Variants in PELI2 observed in about 807,000 individuals in gnomAD.
The protein encoded by PELI2 is E3 ubiquitin-protein ligase pellino homolog 2.
A neutral mutation model predicts 42.3 loss-of-function variants in PELI2; 23 were observed. The observed-to-expected ratio is 0.54, with a 90% CI of 0.39 to 0.77. The LOEUF (loss-of-function observed/expected upper bound fraction) is 0.77, where lower values mean the gene tolerates loss of function less well. PELI2 is among the 30% of genes least tolerant of loss of function. The pLI is 0.00. For missense variants in PELI2, 463 were observed against 553.2 expected, an observed-to-expected ratio of 0.84 and a Z score of 1.64; for synonymous variants, 245 against 212.2, an observed-to-expected ratio of 1.15 and a Z score of -1.34.
chr14:56,137,596 C>A (rs985838725), intron 1 of PELI2, among the ~76,000 whole-genome samples: 2 of 152,148 alleles, frequency 1.3e-5, no homozygotes, highest in Non-Finnish European at 2.9e-5. Context: ...CGTCGTTTCC[C>A]CTTCTAGGGG....
At chr14:56,182,941 G>A (rs1885638435) in intron 2 of PELI2, among the ~76,000 whole-genome samples, 1 of 152,078 alleles carries the variant, frequency 6.6e-6, no homozygotes, top group Admixed American at 6.5e-5. Context: ...TCTCCTGCAC[G>A]TTCATGATGG....
rs200418198 is a variant in PELI2 at position 56,288,391 on chromosome 14, C to T, written c.310-46C>T. On this transcript the variant is annotated intron_variant, in intron 3 of 5. Transcript: ENST00000267460. This position sits in a 1 kb window ranked among gnomAD's most constrained non-coding sequence, Gnocchi z 4.6. Reference sequence around the variant, plus strand: ...TTTTCCTTGTGAATAAAATACGGCACCCTGCTATTTTCCAAGTGAATCACG... The same window carrying T: ...TTTTCCTTGTGAATAAAATACGGCATCCTGCTATTTTCCAAGTGAATCACG... 2.8e-6 allele frequency: 4 copies of T among 1,433,818 alleles called. No homozygotes were observed. Among genetic ancestry groups the T allele is most frequent in the African/African-American group, 2.8e-5 (2 of 71,554 alleles). 88.8% of individuals were successfully genotyped at this position (1,433,818 alleles called of 1,614,324 possible). A position where few individuals can be genotyped will look rare whatever the true frequency, so the allele number is the denominator to read the frequency against.
intron 1 of PELI2, among the ~76,000 whole-genome samples, chr14:56,142,535 C>G (rs1883951182): frequency 6.6e-6 from 1 of 152,204 alleles, no homozygotes. Flanking sequence ...ATGAATGAAT[C>G]AGTCTTCCAC....
intron 1 of PELI2, among the ~76,000 whole-genome samples, chr14:56,154,691 T>G (rs1188700005): frequency 6.6e-6 from 1 of 152,244 alleles, no homozygotes; most frequent in African/African-American, 2.4e-5. Context: ...TTTTTTCCCC[T>G]TATAAACAGT....
At chr14:56,194,852 A>G (rs756858704) in intron 2 of PELI2, among the ~76,000 whole-genome samples, 21 of 152,196 alleles carry the variant, frequency 1.4e-4, no homozygotes, top group Non-Finnish European at 2.9e-4. Context: ...TCAATGGAGA[A>G]TTGTAAAAGA....
chr14:56,132,366 A>G (rs867098749), intron 1 of PELI2, among the ~76,000 whole-genome samples: 1 of 152,222 alleles, frequency 6.6e-6, no homozygotes, highest in African/African-American at 2.4e-5. Flanking sequence ...ATCATCGTCC[A>G]TAATAACTTT....
At chr14:56,193,568 C>A (rs576295808) in intron 2 of PELI2, among the ~76,000 whole-genome samples, 1 of 152,020 alleles carries the variant, frequency 6.6e-6, no homozygotes, top group African/African-American at 2.4e-5. Flanking sequence ...TCATACATAC[C>A]AAAATAGACT....
At chr14:56,130,920 C>G (rs1264947957) in intron 1 of PELI2, among the ~76,000 whole-genome samples, 1 of 152,142 alleles carries the variant, frequency 6.6e-6, no homozygotes, top group Non-Finnish European at 1.5e-5. Context: ...GCTTTTGTTG[C>G]TGTCGTTGGT....
chr14:56,184,104 G>C (rs1304897222), intron 2 of PELI2, among the ~76,000 whole-genome samples: 1 of 152,044 alleles, frequency 6.6e-6, no homozygotes, highest in Non-Finnish European at 1.5e-5. Flanking sequence ...TGAGATGACT[G>C]TTTGGACCTT....
chr14:56,274,753 A>G (rs1042746947), intron 2 of PELI2, among the ~76,000 whole-genome samples: 1 of 152,218 alleles, frequency 6.6e-6, no homozygotes, highest in Non-Finnish European at 1.5e-5. Flanking sequence ...GCATAGCTGT[A>G]AGAAAATACA....
At position 56,299,268 on chromosome 14, in the gene PELI2, T is replaced by C. The variant is rs1268540998; in HGVS notation, c.*2102T>C. 1 of 152,218 alleles carries C rather than the reference T, an allele frequency of 6.6e-6. No homozygotes were observed. The highest frequency in any genetic ancestry group is 1.5e-5 in the Non-Finnish European group (1 of 68,042). 9.4% of individuals were successfully genotyped at this position (152,218 alleles called of 1,614,324 possible). A position where few individuals can be genotyped will look rare whatever the true frequency, so the allele number is the denominator to read the frequency against. On this transcript the variant is annotated 3_prime_UTR_variant, in exon 6 of 6. Transcript: ENST00000267460. ...ATAATTTTCCATTTCAAGTCCTGTT[T>C]ATAAGTCTAGTCATTCTGCAACGTG...
intron 2 of PELI2, among the ~76,000 whole-genome samples, chr14:56,268,262 T>C (rs765492606): frequency 6.6e-6 from 1 of 152,234 alleles, no homozygotes; most frequent in Non-Finnish European, 1.5e-5. Context: ...TTTTTACTTA[T>C]GATTCATTTT....
intron 5 of PELI2, among the ~76,000 whole-genome samples, chr14:56,290,870 T>C (rs566781813): frequency 1.8e-4 from 28 of 152,316 alleles, no homozygotes; most frequent in South Asian, 8.3e-4. Context: ...TTTCTGGAAG[T>C]AAAAAATAAG....
chr14:56,254,276 G>C lies in PELI2; in HGVS notation c.208-25400G>C, dbSNP rs887215505. 1.3e-5 allele frequency among the ~76,000 whole-genome samples: 2 copies of C among 152,048 alleles called. 1 individual carries two copies. The highest frequency in any genetic ancestry group is 4.8e-5 in the African/African-American group (2 of 41,390). ...TAGCTGGGCATGGTGGTGCACACCTGTAGTCCCAGCTATTCGGAAGGCTGG... is the reference window on the plus strand; with the variant it reads ...TAGCTGGGCATGGTGGTGCACACCTCTAGTCCCAGCTATTCGGAAGGCTGG... On this transcript the variant is annotated intron_variant, in intron 2 of 5. Coordinates refer to ENST00000267460, the MANE Select transcript of PELI2 (RefSeq NM_021255.3).
chr14:56,242,451 A>G (rs995567471), intron 2 of PELI2, among the ~76,000 whole-genome samples: 10 of 152,334 alleles, frequency 6.6e-5, no homozygotes, highest in Non-Finnish European at 1.2e-4. Flanking sequence ...ATGTAATCAA[A>G]AAGAACTAAA....
intron 1 of PELI2, among the ~76,000 whole-genome samples, chr14:56,167,322 G>C: frequency 6.6e-6 from 1 of 151,948 alleles, no homozygotes. Context: ...GCCCCTTTGA[G>C]GCTATTTCCA....
intron 2 of PELI2, among the ~76,000 whole-genome samples, chr14:56,222,817 C>T (rs180729112): frequency 8.5e-5 from 13 of 152,270 alleles, no homozygotes; most frequent in Admixed American, 2.0e-4. Context: ...GCTTCTTGTG[C>T]GCTGTTGTGC....
chr14:56,203,929 A>G (rs561795329), intron 2 of PELI2, among the ~76,000 whole-genome samples: 4 of 152,260 alleles, frequency 2.6e-5, no homozygotes, highest in Non-Finnish European at 4.4e-5. Flanking sequence ...TAGAAGGGGG[A>G]TAGAGAAAAT....
chr14:56,200,384 G>A (rs985590883), intron 2 of PELI2, among the ~76,000 whole-genome samples: 1 of 102,670 alleles, frequency 9.7e-6, no homozygotes, highest in African/African-American at 3.0e-5. Context: ...AGGCATGTGA[G>A]GCACAGAGTG....
Sources: allele counts gnomAD v4.1 joint callset (sites outside exome capture counted in the v4.1 genomes callset), GRCh38; gene constraint gnomAD v4.1.1; non-coding constraint Gnocchi (gnomAD v3.1); transcripts MANE v1.5; gene names NCBI Gene and HGNC (gene_info 2026-07-23, HGNC 2026-07-21).